Variants in BIVM observed in about 807,000 individuals in gnomAD.
BIVM encodes basic, immunoglobulin-like variable motif containing, also known as basic immunoglobulin-like variable motif-containing protein.
BIVM carries 31 observed loss-of-function variants against 61.4 expected under a neutral mutation model. That is an observed-to-expected ratio of 0.51 (90% confidence interval 0.38 to 0.68). The LOEUF (loss-of-function observed/expected upper bound fraction) is 0.68, where lower values mean the gene tolerates loss of function less well. Ranked by LOEUF, BIVM falls within the 30% of genes least tolerant of loss-of-function variation. The probability of loss-of-function intolerance (pLI) is 0.00; values close to 1 mark genes in which losing one functional copy is unlikely to be tolerated. For missense variants in BIVM, 526 were observed against 596.0 expected (o/e 0.88, Z 1.22); for synonymous variants, 189 against 210.7 (o/e 0.90, Z 0.89).
Position 102,807,348 on chromosome 13 carries a change from G to C in BIVM, c.81G>C (p.Glu27Asp), listed in dbSNP as rs142016216. The stretch of plus-strand genomic sequence containing the variant: ...AATCTGAGAGAAAGTCACCTGAAGA[G>C]AATCTACAAGGTGCTGTAAAATCTT... ...EHKSERKSPE[E>D]NLQGAVKSFC... Residue 27 changes from glutamate to aspartate, a missense_variant, in exon 3 of 11, where the codon GAG becomes GAC. Transcript: ENST00000257336. This position sits in a 1 kb window ranked among gnomAD's most constrained non-coding sequence, Gnocchi z 4.0. The C allele has an allele frequency of 1.2e-6, 2 of 1,614,082 alleles. No individual in the cohort carries two copies. Among genetic ancestry groups the C allele is most frequent in the African/African-American group, 2.7e-5 (2 of 74,924 alleles).
chr13:102,812,703 C>T (rs1269820820), intron 3 of BIVM, among the ~76,000 whole-genome samples: 1 of 152,020 alleles, frequency 6.6e-6, no homozygotes, highest in Non-Finnish European at 1.5e-5. Flanking sequence ...GTCTGGCTCC[C>T]CAAACAGAAA....
intron 1 of BIVM, among the ~76,000 whole-genome samples, chr13:102,801,965 G>C (rs137959652): frequency 1.2e-4 from 18 of 152,266 alleles, no homozygotes; most frequent in African/African-American, 2.2e-4. Context: ...GTGGAGCTTG[G>C]GGGGTGGGGG....
In BIVM at chr13:102,807,177, G is replaced by A; in HGVS notation, c.-91G>A. On this transcript the variant is annotated 5_prime_UTR_variant, in exon 3 of 11. Transcript: ENST00000257336. This position sits in a 1 kb window ranked among gnomAD's most constrained non-coding sequence, Gnocchi z 4.0. Reference sequence around the variant, plus strand: ...ATTTTGCAGCTCTCAAGCTTTTATAGCATGCTGTAAACAATTGTCAAAGTT... The same window carrying A: ...ATTTTGCAGCTCTCAAGCTTTTATAACATGCTGTAAACAATTGTCAAAGTT... 7.3e-7 allele frequency: 1 copy of A among 1,364,460 alleles called. No homozygotes were observed. The highest frequency in any genetic ancestry group is 9.9e-7 in the Non-Finnish European group (1 of 1,013,858). The allele number at this position is 1,364,460 out of a possible 1,614,324, so 84.5% of individuals were successfully genotyped here. A position where few individuals can be genotyped will look rare whatever the true frequency, so the allele number is the denominator to read the frequency against.
intron 1 of BIVM, among the ~76,000 whole-genome samples, chr13:102,802,137 C>A (rs933476179): frequency 6.6e-6 from 1 of 152,136 alleles, no homozygotes; most frequent in Non-Finnish European, 1.5e-5. Flanking sequence ...GAAGTGTCAA[C>A]TCACTGGGAA....
At position 102,825,229 on chromosome 13, in the gene BIVM, A is replaced by T. The variant is rs112168404; in HGVS notation, c.901+3070A>T. On this transcript the variant is annotated intron_variant, in intron 7 of 10. Coordinates refer to ENST00000257336, the MANE Select transcript of BIVM (RefSeq NM_017693.4). Reference sequence around the variant, plus strand: ...CAAAGTGCTGGGATTACAGGTGTGAACCACTGTGCCCAGACTAATTTTATT... The same window carrying T: ...CAAAGTGCTGGGATTACAGGTGTGATCCACTGTGCCCAGACTAATTTTATT... 5.7e-3 allele frequency among the ~76,000 whole-genome samples: 870 copies of T among 151,354 alleles called. 10 individuals are homozygous for T. The highest frequency in any genetic ancestry group is 0.018 in the African/African-American group (744 of 41,244).
At position 102,839,955 on chromosome 13, in the gene BIVM, A is replaced by C. The variant is rs1327973062; in HGVS notation, c.*90A>C. The stretch of plus-strand genomic sequence containing the variant: ...CAGTAGAAGATTTTAGTAAGCCTAC[A>C]TTAAATAGGAGCAGATCTTGTGGTA... On this transcript the variant is annotated 3_prime_UTR_variant, in exon 11 of 11. Coordinates refer to ENST00000257336, the MANE Select transcript of BIVM (RefSeq NM_017693.4). 9.8e-6 allele frequency: 13 copies of C among 1,324,578 alleles called. No homozygotes were observed. Among genetic ancestry groups the C allele is most frequent in the Non-Finnish European group, 9.2e-6 (9 of 973,022 alleles). 82.1% of individuals were successfully genotyped at this position (1,324,578 alleles called of 1,614,324 possible). A position where few individuals can be genotyped will look rare whatever the true frequency, so the allele number is the denominator to read the frequency against.
In BIVM at chr13:102,824,118, G is replaced by A. The variant is rs80024232; in HGVS notation, c.901+1959G>A. On this transcript the variant is annotated intron_variant, in intron 7 of 10. Coordinates refer to ENST00000257336, the MANE Select transcript of BIVM (RefSeq NM_017693.4). ...AGGTATAATAATGATTCTGTCAGTT[G>A]TGTTCATTAAAAGTTTTATAAAATG... Among the ~76,000 whole-genome samples, 913 of 152,280 alleles carry A rather than the reference G, an allele frequency of 6.0e-3. 14 individuals are homozygous for A. The highest frequency in any genetic ancestry group is 0.021 in the African/African-American group (866 of 41,558).
chr13:102,811,849 G>A (rs985684774), intron 3 of BIVM, among the ~76,000 whole-genome samples: 1 of 152,220 alleles, frequency 6.6e-6, no homozygotes, highest in Non-Finnish European at 1.5e-5. Context: ...ACATATATTG[G>A]TGTGGGTCTT....
chr13:102,803,903 C>T (rs184118615), intron 1 of BIVM, among the ~76,000 whole-genome samples: 7 of 152,296 alleles, frequency 4.6e-5, no homozygotes, highest in Admixed American at 6.5e-5. Context: ...GTCTGAACAA[C>T]GCCAGGTACT....
intron 8 of BIVM, among the ~76,000 whole-genome samples, chr13:102,833,006 C>G (rs1193954774): frequency 6.6e-6 from 1 of 151,972 alleles, no homozygotes; most frequent in African/African-American, 2.4e-5. Flanking sequence ...GTGGTGTAAT[C>G]CCAGCATTTT....
At chr13:102,833,096 A>G (rs1295793879) in intron 8 of BIVM, among the ~76,000 whole-genome samples, 3 of 151,764 alleles carry the variant, frequency 2.0e-5, no homozygotes, top group African/African-American at 7.3e-5. Flanking sequence ...CTGTCTCTTA[A>G]AAAAATACAA....
intron 1 of BIVM, among the ~76,000 whole-genome samples, chr13:102,800,044 G>C (rs1243345544): frequency 2.0e-5 from 3 of 152,208 alleles, no homozygotes; most frequent in Non-Finnish European, 2.9e-5. Context: ...CGCCTCCTCT[G>C]CCTGCCTCCC....
Position 102,839,991 on chromosome 13 carries a change from C to G in BIVM, c.*126C>G. On this transcript the variant is annotated 3_prime_UTR_variant, in exon 11 of 11. Transcript: ENST00000257336. ...GCAGATCTTGTGGTATAAAAAATAA[C>G]CTTGTAGTTCTCCAGATACTAAGCT... is the stretch of plus-strand genomic sequence containing the variant. 1 of 1,021,448 alleles carries G rather than the reference C, an allele frequency of 9.8e-7. No homozygotes were observed. The allele number at this position is 1,021,448 out of a possible 1,614,324, so 63.3% of individuals were successfully genotyped here.
intron 4 of BIVM, chr13:102,816,931 A>G (rs988900874): frequency 6.5e-6 from 1 of 152,708 alleles, no homozygotes; most frequent in African/African-American, 2.4e-5. Context: ...ATCTCTAAAA[A>G]ATGACTTTTT....
intron 3 of BIVM, among the ~76,000 whole-genome samples, chr13:102,815,535 C>T (rs1879807544): frequency 6.6e-6 from 1 of 152,078 alleles, no homozygotes; most frequent in African/African-American, 2.4e-5. Flanking sequence ...GGGATGGATA[C>T]CCCATTCTCC....
At chr13:102,824,964 A>G (rs769663725) in intron 7 of BIVM, among the ~76,000 whole-genome samples, 1 of 148,642 alleles carries the variant, frequency 6.7e-6, no homozygotes, top group Non-Finnish European at 1.5e-5. Flanking sequence ...TTTTTTTGAG[A>G]CGGAGTCTCG....
intron 3 of BIVM, among the ~76,000 whole-genome samples, chr13:102,816,095 G>A (rs530235074): frequency 7.9e-4 from 120 of 152,240 alleles, no homozygotes; most frequent in Middle Eastern, 6.8e-3. Flanking sequence ...TAAAGATTTA[G>A]TGATTGACTG....
At position 102,799,212 on chromosome 13, in the gene BIVM, A is replaced by G; in HGVS notation, c.-516A>G. ...GGTCACCGCTTTCGGGGGACAGATA[A>G]ACACCACAGATGCCCATCAAAGGGG... On this transcript the variant is annotated 5_prime_UTR_variant, in exon 1 of 11. Transcript: ENST00000257336. The G allele has an allele frequency of 2.9e-6, 1 of 347,784 alleles. No individual in the cohort carries two copies. The highest frequency in any genetic ancestry group is 4.7e-5 in the Admixed American group (1 of 21,064). 21.5% of individuals were successfully genotyped at this position (347,784 alleles called of 1,614,324 possible).
At chr13:102,805,588 T>C (rs2139143679) in intron 2 of BIVM, among the ~76,000 whole-genome samples, 198 bp downstream of exon 2, 1 of 152,268 alleles carries the variant, frequency 6.6e-6, no homozygotes, top group African/African-American at 2.4e-5. Flanking sequence ...GCTTTTAGGG[T>C]ATTTACAAGT....
Sources: allele counts gnomAD v4.1 joint callset (sites outside exome capture counted in the v4.1 genomes callset), GRCh38; gene constraint gnomAD v4.1.1; non-coding constraint Gnocchi (gnomAD v3.1); transcripts MANE v1.5; gene names NCBI Gene and HGNC (gene_info 2026-07-23, HGNC 2026-07-21).